Variants in UPP2 observed in about 807,000 individuals in gnomAD.
UPP2 encodes UPase 2.
Under a neutral mutation model 26.7 loss-of-function variants are expected in UPP2, and 23 were observed. That is an observed-to-expected ratio of 0.86 (90% CI 0.62 to 1.22). The LOEUF (loss-of-function observed/expected upper bound fraction) is 1.22. UPP2 is among the 50% of genes most tolerant of loss of function. The pLI, the probability that UPP2 is intolerant of heterozygous loss-of-function variation, is 0.00. For synonymous variants in UPP2, 127 were observed against 141.3 expected, an observed-to-expected ratio of 0.90 and a Z score of 0.72; for missense variants, 387 against 396.7, an observed-to-expected ratio of 0.98 and a Z score of 0.21.
At chr2:158,093,271 TACACACACACACAC>T (rs57028617) in intron 3 of UPP2, among the ~76,000 whole-genome samples, 11 of 137,518 alleles carry the variant, frequency 8.0e-5, no homozygotes, top group South Asian at 7.0e-4. Flanking sequence ...AAAAGAAACA[TACACACACACACAC>T]ACACACACAC....
At position 158,114,253 on chromosome 2, in the gene UPP2, T is replaced by C. The variant is rs558683838; in HGVS notation, c.181-848T>C. Among the ~76,000 whole-genome samples the C allele has an allele frequency of 7.2e-5, 11 of 152,276 alleles. No individual in the cohort carries two copies. The South Asian group carries it at 2.1e-3, about 29-fold the overall frequency. ...CTTGCCACCTTGCTGTGGCCTGTGC[T>C]TCCTCCTGGGTGTGAGAGTCTGCTA... On this transcript the variant is annotated intron_variant, in intron 2 of 6. Transcript: ENST00000005756.
intron 2 of UPP2, among the ~76,000 whole-genome samples, chr2:158,013,188 G>A (rs553274661): frequency 6.6e-6 from 1 of 152,180 alleles, no homozygotes; most frequent in South Asian, 2.1e-4. Flanking sequence ...TGGAGATGGA[G>A]TCTCACTATG....
chr2:158,069,969 C>G (rs534614476), intron 3 of UPP2, among the ~76,000 whole-genome samples: 1 of 152,050 alleles, frequency 6.6e-6, no homozygotes, highest in Admixed American at 6.5e-5. Context: ...GCTTTAATCT[C>G]AATCATGAGG....
chr2:158,079,244 C>T (rs190606945), intron 3 of UPP2, among the ~76,000 whole-genome samples: 19 of 151,908 alleles, frequency 1.3e-4, no homozygotes, highest in African/African-American at 4.4e-4. Context: ...CTAACACATA[C>T]CCCATAATAT....
chr2:158,090,424 C>A (rs551787719), intron 3 of UPP2, among the ~76,000 whole-genome samples: 6 of 152,180 alleles, frequency 3.9e-5, no homozygotes, highest in African/African-American at 1.2e-4. Context: ...TGGCGTGAAC[C>A]CGGGAGGCGG....
At chr2:158,054,168 A>G (rs1682207155) in intron 3 of UPP2, among the ~76,000 whole-genome samples, 1 of 152,146 alleles carries the variant, frequency 6.6e-6, no homozygotes, top group Non-Finnish European at 1.5e-5. Flanking sequence ...CTACTGAGGC[A>G]TGAGAATGGT....
At chr2:158,087,895 T>C (rs941902610) in intron 3 of UPP2, among the ~76,000 whole-genome samples, 20 of 152,212 alleles carry the variant, frequency 1.3e-4, no homozygotes, top group Admixed American at 8.5e-4. Context: ...CTACCTGATG[T>C]TTTTGCCTGA....
upstream of UPP2, among the ~76,000 whole-genome samples, chr2:158,098,246 C>A (rs1288475089): frequency 4.6e-5 from 7 of 152,026 alleles, no homozygotes; most frequent in Non-Finnish European, 1.0e-4. Context: ...TCTGCGGTGA[C>A]CACCCACCCT....
intron 2 of UPP2, among the ~76,000 whole-genome samples, chr2:157,996,724 G>T (rs1683329225): frequency 6.6e-6 from 1 of 152,070 alleles, no homozygotes; most frequent in African/African-American, 2.4e-5. Context: ...TAAATCCTAG[G>T]ATTGCTTTAG....
At chr2:158,019,650 AC>A (rs1683717216) in intron 3 of UPP2, among the ~76,000 whole-genome samples, 1 of 106,758 alleles carries the variant, frequency 9.4e-6, no homozygotes, top group African/African-American at 6.4e-5. Flanking sequence ...ACACACACAC[AC>A]ACACACACAC....
intron 3 of UPP2, among the ~76,000 whole-genome samples, chr2:158,083,805 C>A (rs1049451514): frequency 6.9e-6 from 1 of 144,324 alleles, no homozygotes; most frequent in East Asian, 2.0e-4. Context: ...TATATATATA[C>A]ATATATATAT....
At chr2:158,098,269 T>C (rs558304913), upstream of UPP2, among the ~76,000 whole-genome samples, 1 of 151,574 alleles carries the variant, frequency 6.6e-6, no homozygotes, top group South Asian at 2.1e-4. Context: ...GGGGTGAAAA[T>C]AAAGGAGGAG....
intron 3 of UPP2, among the ~76,000 whole-genome samples, chr2:158,070,853 T>C (rs995413854): frequency 1.3e-5 from 2 of 152,214 alleles, no homozygotes; most frequent in Admixed American, 1.3e-4. Context: ...AGAGGGAATC[T>C]GAGCACTTTA....
chr2:158,114,646 T>C (rs1427038125), intron 2 of UPP2, among the ~76,000 whole-genome samples: 1 of 152,184 alleles, frequency 6.6e-6, no homozygotes, highest in Non-Finnish European at 1.5e-5. Flanking sequence ...CATTTCACAA[T>C]ACAAATTTAT....
intron 6 of UPP2, chr2:158,128,005 G>A: frequency 1.0e-6 from 1 of 985,402 alleles, no homozygotes; most frequent in Non-Finnish European, 1.2e-6. Flanking sequence ...TCTGATGAAA[G>A]ATGATAATCC....
At chr2:158,001,458 T>G (rs1331488418) in intron 2 of UPP2, among the ~76,000 whole-genome samples, 1 of 152,080 alleles carries the variant, frequency 6.6e-6, no homozygotes, top group African/African-American at 2.4e-5. Flanking sequence ...ACCCTGGCCT[T>G]CTGCTCTCAC....
chr2:158,025,620 G>A (rs1683821805), intron 3 of UPP2, among the ~76,000 whole-genome samples: 1 of 152,228 alleles, frequency 6.6e-6, no homozygotes, highest in Non-Finnish European at 1.5e-5. Context: ...TGGGGTTTAT[G>A]GTGAGGCCAC....
chr2:158,003,028 T>TGCTA, intron 2 of UPP2, among the ~76,000 whole-genome samples: 1 of 152,274 alleles, frequency 6.6e-6, no homozygotes, highest in African/African-American at 2.4e-5. Context: ...CTACCAAAGA[T>TGCTA]GCTAACATAT....
intron 3 of UPP2, among the ~76,000 whole-genome samples, chr2:158,078,977 A>G (rs899293440): frequency 6.6e-6 from 1 of 152,142 alleles, no homozygotes; most frequent in Non-Finnish European, 1.5e-5. Flanking sequence ...GGTGGTGATA[A>G]TTGAATCATG....
Sources: allele counts gnomAD v4.1 joint callset (sites outside exome capture counted in the v4.1 genomes callset), GRCh38; gene constraint gnomAD v4.1.1; transcripts MANE v1.5; gene names NCBI Gene and HGNC (gene_info 2026-07-23, HGNC 2026-07-21).